The following STK39 variants were observed in gnomAD, a reference collection of about 807,000 sequenced individuals.
STK39 encodes serine/threonine kinase 39, also known as STE20/SPS1-related proline-alanine-rich protein kinase.
STK39 carries 20 observed loss-of-function variants against 77.8 expected under a neutral mutation model. The ratio of observed to expected loss-of-function variants is 0.26; its 90% CI spans 0.18 to 0.37. STK39 has a LOEUF of 0.37. STK39 is among the 10% of genes least tolerant of loss of function. The pLI is 1.00. For missense variants in STK39, 479 were observed against 656.5 expected (o/e 0.73, Z 2.95); for synonymous variants, 246 against 234.1 (o/e 1.05, Z -0.47).
intron 16 of STK39, among the ~76,000 whole-genome samples, chr2:168,000,140 G>A (rs892892814): frequency 1.3e-5 from 2 of 152,208 alleles, no homozygotes; most frequent in African/African-American, 4.8e-5. Flanking sequence ...CTGCAAACAG[G>A]TGAATTGCAT....
intron 1 of STK39, among the ~76,000 whole-genome samples, chr2:168,194,735 C>T (rs1689425675): frequency 1.3e-5 from 2 of 152,234 alleles, no homozygotes; most frequent in African/African-American, 4.8e-5. Context: ...GAACAGCCAG[C>T]TGATTGCATC....
intron 5 of STK39, among the ~76,000 whole-genome samples, chr2:168,150,586 G>A (rs996794155): frequency 1.3e-5 from 2 of 152,094 alleles, no homozygotes; most frequent in African/African-American, 4.8e-5. Context: ...ACAGATTTAT[G>A]TGGCACTACT....
At chr2:168,188,335 C>T (rs1689258190) in intron 1 of STK39, among the ~76,000 whole-genome samples, 1 of 152,216 alleles carries the variant, frequency 6.6e-6, no homozygotes, top group African/African-American at 2.4e-5. Context: ...CTGTCACCAT[C>T]TGAGATCGCT....
Position 168,163,652 on chromosome 2 carries a change from G to A in STK39, c.572+87C>T. ...CTGCAGAGGTCACACCTGTGAATCT[G>A]ACCGTTTCTGTGTAGACAGTCTAAG... On this transcript the variant is annotated intron_variant, in intron 4 of 17. Transcript: ENST00000355999. 7.5e-6 allele frequency: 12 copies of A among 1,603,306 alleles called. 1 individual carries two copies. The highest frequency in any genetic ancestry group is 1.0e-5 in the Non-Finnish European group (12 of 1,176,008).
intron 1 of STK39, among the ~76,000 whole-genome samples, chr2:168,217,558 A>G (rs1690056323): frequency 1.3e-5 from 2 of 152,304 alleles, no homozygotes; most frequent in South Asian, 4.1e-4. Context: ...GCCCCTCAGT[A>G]TTCGTGGGGG....
chr2:167,993,597 G>T (rs1683758215), intron 16 of STK39, among the ~76,000 whole-genome samples: 1 of 152,152 alleles, frequency 6.6e-6, no homozygotes, highest in African/African-American at 2.4e-5. Context: ...AAAGACCCCA[G>T]GTCCTGGCTG....
chr2:168,180,852 C>T (rs1030845731), intron 2 of STK39, among the ~76,000 whole-genome samples: 9 of 152,140 alleles, frequency 5.9e-5, no homozygotes, highest in Non-Finnish European at 8.8e-5. Flanking sequence ...TGAGTTTTAG[C>T]CGGCAATCCA....
intron 5 of STK39, among the ~76,000 whole-genome samples, chr2:168,153,704 G>A (rs957560909): frequency 3.9e-5 from 6 of 152,072 alleles, no homozygotes; most frequent in South Asian, 2.1e-4. Context: ...AAGATCTGAA[G>A]GAGGTAAGGA....
At chr2:167,965,105 AGAG>A (rs34647133) in intron 16 of STK39, among the ~76,000 whole-genome samples, 14,555 of 150,200 alleles carry the variant, frequency 0.097, 971 homozygotes, top group Middle Eastern at 0.17. Flanking sequence ...TACAAAACAA[AGAG>A]GAGAGGTAGT....
intron 5 of STK39, 118 bp from the exon 6 acceptor site, chr2:168,140,876 C>T: frequency 1.3e-6 from 1 of 797,756 alleles, no homozygotes; most frequent in East Asian, 2.8e-5. Flanking sequence ...CTATTCCAAA[C>T]ATGTCTACGG....
chr2:168,029,255 G>C (rs1399051456), intron 14 of STK39, among the ~76,000 whole-genome samples: 1 of 152,168 alleles, frequency 6.6e-6, no homozygotes, highest in Non-Finnish European at 1.5e-5. Context: ...TTACTTGCCT[G>C]AAACTAAGGC....
intron 12 of STK39, among the ~76,000 whole-genome samples, chr2:168,073,167 G>A (rs1685984571): frequency 6.6e-6 from 1 of 152,138 alleles, no homozygotes; most frequent in South Asian, 2.1e-4. Flanking sequence ...TCCTGTCTGT[G>A]CAGAAAATAT....
chr2:167,974,309 T>C (rs1298384566), intron 16 of STK39, among the ~76,000 whole-genome samples: 2 of 152,134 alleles, frequency 1.3e-5, no homozygotes, highest in Non-Finnish European at 2.9e-5. Context: ...TAATACCAAG[T>C]GTTTTAAACC....
intron 10 of STK39, among the ~76,000 whole-genome samples, chr2:168,110,321 C>G (rs1362940443): frequency 6.6e-6 from 1 of 152,194 alleles, no homozygotes; most frequent in Admixed American, 6.5e-5. Context: ...TAACCTAAAA[C>G]TCCTGGACTC....
Position 168,247,296 on chromosome 2 carries a change from G to GGGGCCT in STK39, c.139_140insAGGCCC (p.Ala46_Pro47insGlnAla). 1 of 1,030,242 alleles carries GGGGCCT rather than the reference G, an allele frequency of 9.7e-7. No individual in the cohort carries two copies. The highest frequency in any genetic ancestry group is 1.2e-6 in the Non-Finnish European group (1 of 856,636). The allele number at this position is 1,030,242 out of a possible 1,614,324, so 63.8% of individuals were successfully genotyped here. A position where few individuals can be genotyped will look rare whatever the true frequency, so the allele number is the denominator to read the frequency against. Reference sequence around the variant, plus strand: ...GCCGACAGCCTGTGCCGCCGGGGCCGGGGCCGGGGCCGGGGCCGCGGGAGC... The same window carrying GGGGCCT: ...GCCGACAGCCTGTGCCGCCGGGGCCGGGGCCTGGGCCGGGGCCGGGGCCGCGGGAGC... On this transcript the variant is annotated inframe_insertion, in exon 1 of 18. Coordinates refer to ENST00000355999, the MANE Select transcript of STK39 (RefSeq NM_013233.3).
chr2:168,007,161 A>T (rs1228298401), intron 16 of STK39, among the ~76,000 whole-genome samples: 1 of 152,244 alleles, frequency 6.6e-6, no homozygotes, highest in Non-Finnish European at 1.5e-5. Flanking sequence ...CAGAAAAAAT[A>T]CACATGTAAG....
intron 14 of STK39, among the ~76,000 whole-genome samples, chr2:168,053,042 A>G (rs989157572): frequency 6.6e-6 from 1 of 152,214 alleles, no homozygotes; most frequent in African/African-American, 2.4e-5. Context: ...CTGTATCTTC[A>G]GGCTTCTCAA....
intron 2 of STK39, among the ~76,000 whole-genome samples, chr2:168,172,609 T>G (rs911382873): frequency 7.2e-5 from 11 of 152,034 alleles, no homozygotes; most frequent in African/African-American, 2.2e-4. Context: ...CTGATTTCTT[T>G]TGTTCCTAAG....
At chr2:168,228,349 T>C (rs10176669) in intron 1 of STK39, among the ~76,000 whole-genome samples, 109,942 of 151,982 alleles carry the variant, frequency 0.72, 40,303 homozygotes, top group Non-Finnish European at 0.8. Context: ...TTTTTAAAGT[T>C]CTATGCCATG....
Sources: gnomAD v4.1 joint callset for allele counts (sites outside exome capture counted in the v4.1 genomes callset) on GRCh38, gnomAD v4.1.1 for gene constraint, MANE v1.5 for transcripts, NCBI Gene and HGNC (gene_info 2026-07-23, HGNC 2026-07-21) for gene names.